The following TCF4 variants were observed in gnomAD, a reference collection of about 807,000 sequenced individuals.
TCF4 encodes SL3-3 enhancer factor 2.
TCF4 carries 3 observed loss-of-function variants against 82.1 expected under a neutral mutation model. The observed-to-expected ratio is 0.04, with a 90% CI of 0.02 to 0.09. The LOEUF is 0.09. TCF4 is among the 10% of genes least tolerant of loss of function. The pLI is 1.00. For missense variants in TCF4, 518 were observed against 852.7 expected, an observed-to-expected ratio of 0.61 and a Z score of 4.89; for synonymous variants, 276 against 309.6, an observed-to-expected ratio of 0.89 and a Z score of 1.14.
At chr18:55,287,338 C>T (rs548019046) in intron 8 of TCF4, among the ~76,000 whole-genome samples, 5 of 152,292 alleles carry the variant, frequency 3.3e-5, no homozygotes, top group African/African-American at 9.6e-5. Flanking sequence ...ATTTTCCCGG[C>T]TTCTAAATAT....
chr18:55,515,358 C>T (rs1340212363), intron 3 of TCF4, among the ~76,000 whole-genome samples: 2 of 152,132 alleles, frequency 1.3e-5, no homozygotes, highest in African/African-American at 2.4e-5. Flanking sequence ...CACTGAACTA[C>T]GTGCAGACAC....
At chr18:55,589,452 C>T, upstream of TCF4, 1 of 1,055,458 alleles carries the variant, frequency 9.5e-7, no homozygotes, top group Non-Finnish European at 1.1e-6. Context: ...CCACAGATTA[C>T]AAGATTATGC....
chr18:55,499,203 C>T (rs1179914594), intron 3 of TCF4, among the ~76,000 whole-genome samples: 1 of 152,152 alleles, frequency 6.6e-6, no homozygotes, highest in Non-Finnish European at 1.5e-5. Context: ...CCTTCCTTTG[C>T]TAAACTGCAA....
rs1168589079 is a variant in TCF4, at chr18:55,585,425, A to G, written c.73-73T>C. 3 of 1,333,900 alleles carry G rather than the reference A, an allele frequency of 2.2e-6. No individual in the cohort carries two copies. In the African/African-American group the frequency reaches 4.3e-5, roughly 19 times the overall value. 82.6% of individuals were successfully genotyped at this position (1,333,900 alleles called of 1,614,324 possible). On this transcript the variant is annotated intron_variant, in intron 2 of 19. Coordinates refer to ENST00000354452, the MANE Select transcript of TCF4 (RefSeq NM_001083962.2). ...CTTCAGAGCTCCTCAAAGATCTTTC[A>G]TACTGTTACCAAACAGCTTAGAGTT...
At chr18:55,635,629 T>C (rs1299632703) in intron 1 of TCF4, 3 of 1,479,474 alleles carry the variant, frequency 2.0e-6, no homozygotes, top group Non-Finnish European at 2.7e-6. Context: ...TGTTTGGCCA[T>C]GGTGGCCATG....
At chr18:55,583,681 GTGTC>G (rs1362488123) in intron 3 of TCF4, among the ~76,000 whole-genome samples, 6 of 151,970 alleles carry the variant, frequency 3.9e-5, no homozygotes, top group African/African-American at 1.4e-4. Flanking sequence ...GTCTATCTCT[GTGTC>G]TGTCTGACAT....
At chr18:55,338,087 T>G (rs560236441) in intron 8 of TCF4, among the ~76,000 whole-genome samples, 1 of 152,268 alleles carries the variant, frequency 6.6e-6, no homozygotes, top group East Asian at 1.9e-4. Flanking sequence ...TGGCTGTGAC[T>G]TGCATTCACA....
chr18:55,321,362 T>TA (rs879849444), intron 8 of TCF4: 11,584 of 295,064 alleles, frequency 0.039, no homozygotes, highest in East Asian at 0.054. Context: ...CAAAACTCTT[T>TA]AAAAAAAAAA....
At chr18:55,480,296 A>AAAAAAAAGG (rs1568175293) in intron 3 of TCF4, among the ~76,000 whole-genome samples, 1 of 63,356 alleles carries the variant, frequency 1.6e-5, no homozygotes, top group African/African-American at 6.0e-5. Flanking sequence ...AAAAAAAAAA[A>AAAAAAAAGG]GCGGGGGGGC....
chr18:55,428,593 A>G (rs1295210645), intron 5 of TCF4, among the ~76,000 whole-genome samples: 2 of 152,222 alleles, frequency 1.3e-5, no homozygotes, highest in Non-Finnish European at 2.9e-5. Flanking sequence ...AGAAGAAATG[A>G]GGTTACATTT....
chr18:55,517,344 T>G (rs1044444343), intron 3 of TCF4, among the ~76,000 whole-genome samples: 1 of 152,166 alleles, frequency 6.6e-6, no homozygotes, highest in Non-Finnish European at 1.5e-5. Context: ...GGAACAGAAG[T>G]GAGCCAATTC....
intron 5 of TCF4, chr18:55,422,212 G>A: frequency 1.0e-6 from 1 of 984,596 alleles, no homozygotes; most frequent in Non-Finnish European, 1.2e-6. Context: ...GCACGCCGAG[G>A]GAGGCACCAG....
chr18:55,418,812 T>C (rs923749498), intron 5 of TCF4, among the ~76,000 whole-genome samples: 2 of 152,240 alleles, frequency 1.3e-5, no homozygotes, highest in African/African-American at 4.8e-5. Flanking sequence ...TTATAGATTA[T>C]ACATTTTTAC....
chr18:55,610,376 A>C (rs1477342817), intron 2 of TCF4, among the ~76,000 whole-genome samples: 1 of 152,180 alleles, frequency 6.6e-6, no homozygotes, highest in African/African-American at 2.4e-5. Context: ...GAGCATTTTC[A>C]GTGCCTTGTT....
intron 3 of TCF4, among the ~76,000 whole-genome samples, chr18:55,578,731 T>C (rs540013374): frequency 3.2e-3 from 491 of 152,154 alleles, no homozygotes; most frequent in Non-Finnish European, 5.9e-3. Flanking sequence ...GCACAAATAC[T>C]GCCGCACATG....
intron 13 of TCF4, 194 bp downstream of exon 13, chr18:55,259,742 TAATTTTTAAGAAA>T: frequency 1.8e-6 from 1 of 563,098 alleles, no homozygotes; most frequent in Non-Finnish European, 3.2e-6. Flanking sequence ...AAAGATAATC[TAATTTTTAAGAAA>T]AGGTTTGGAT....
intron 8 of TCF4, among the ~76,000 whole-genome samples, chr18:55,341,035 A>G (rs1432301732): frequency 1.3e-5 from 2 of 152,228 alleles, no homozygotes; most frequent in Non-Finnish European, 2.9e-5. Context: ...GGACATGACT[A>G]TACAGAGATA....
chr18:55,463,975 TGTGAGAGA>T (rs2095941224), intron 4 of TCF4, 93 bp downstream of exon 4: 6 of 234,860 alleles, frequency 2.6e-5, no homozygotes, highest in South Asian at 1.1e-4. Context: ...TGTGTGTGTG[TGTGAGAGA>T]GAGAGAGAGA....
chr18:55,390,626 G>T (rs535834037), intron 6 of TCF4, among the ~76,000 whole-genome samples: 20 of 152,316 alleles, frequency 1.3e-4, no homozygotes, highest in African/African-American at 4.6e-4. Flanking sequence ...AGATATATTA[G>T]ATGGAACTCC....
Sources: allele counts gnomAD v4.1 joint callset (sites outside exome capture counted in the v4.1 genomes callset), GRCh38; gene constraint gnomAD v4.1.1; transcripts MANE v1.5; gene names NCBI Gene and HGNC (gene_info 2026-07-23, HGNC 2026-07-21).